Variants in PLEKHM3 observed in about 807,000 individuals in gnomAD.
The protein encoded by PLEKHM3 is pleckstrin homology domain containing M3.
Under a neutral mutation model 81.8 loss-of-function variants are expected in PLEKHM3, and 45 were observed. That is an observed-to-expected ratio of 0.55 (90% CI 0.43 to 0.71). The LOEUF (loss-of-function observed/expected upper bound fraction) is 0.71, where lower values mean the gene tolerates loss of function less well. Among genes scored for constraint, PLEKHM3 ranks in the 30% least tolerant of loss-of-function variants. The pLI, the probability that PLEKHM3 is intolerant of heterozygous loss-of-function variation, is 0.00. For synonymous variants in PLEKHM3, 352 were observed against 356.4 expected (o/e 0.99, Z 0.14); for missense variants, 788 against 924.3 (o/e 0.85, Z 1.91).
At chr2:207,923,269 A>T (rs1689247401) in intron 5 of PLEKHM3, among the ~76,000 whole-genome samples, 1 of 152,114 alleles carries the variant, frequency 6.6e-6, no homozygotes, top group Admixed American at 6.5e-5. Context: ...TGCCATGGGG[A>T]GGTAGGATCC....
intron 5 of PLEKHM3, among the ~76,000 whole-genome samples, chr2:207,909,192 T>C (rs1688729511): frequency 1.3e-5 from 2 of 152,210 alleles, no homozygotes; most frequent in African/African-American, 4.8e-5. Flanking sequence ...CAAGATATTT[T>C]AAATTAGGAC....
At chr2:207,870,225 CAG>C (rs1437539477) in intron 6 of PLEKHM3, among the ~76,000 whole-genome samples, 1 of 152,192 alleles carries the variant, frequency 6.6e-6, no homozygotes, top group Non-Finnish European at 1.5e-5. Flanking sequence ...GCGGAGAAGA[CAG>C]AGAACTAGTA....
chr2:207,863,914 A>ATATAT (rs369436658), intron 6 of PLEKHM3, among the ~76,000 whole-genome samples: 5 of 150,208 alleles, frequency 3.3e-5, no homozygotes, highest in South Asian at 2.1e-4. Context: ...AAGCAAAAAA[A>ATATAT]ATATATATAT....
chr2:207,936,848 T>A (rs1689771744), intron 4 of PLEKHM3, among the ~76,000 whole-genome samples: 1 of 62,796 alleles, frequency 1.6e-5, no homozygotes, highest in Non-Finnish European at 3.5e-5. Flanking sequence ...GATAAATTAG[T>A]GTGTGTGTGT....
chr2:208,006,296 C>T (rs1217132193), intron 1 of PLEKHM3, among the ~76,000 whole-genome samples: 3 of 152,082 alleles, frequency 2.0e-5, no homozygotes, highest in Non-Finnish European at 4.4e-5. Context: ...TGAAATTAAT[C>T]AAAATATAAT....
intron 6 of PLEKHM3, among the ~76,000 whole-genome samples, chr2:207,861,517 C>T (rs7560755): frequency 0.6 from 91,884 of 152,034 alleles, 28,645 homozygotes; most frequent in African/African-American, 0.73. Flanking sequence ...GTGTAGAAGA[C>T]TGAGGCCCAA....
At chr2:207,839,085 G>A (rs1317207520) in intron 7 of PLEKHM3, among the ~76,000 whole-genome samples, 1 of 152,050 alleles carries the variant, frequency 6.6e-6, no homozygotes, top group East Asian at 1.9e-4. Context: ...ACATTTACCT[G>A]CCAAGTTTTT....
chr2:207,923,653 G>A (rs973643298), intron 5 of PLEKHM3, among the ~76,000 whole-genome samples: 26 of 150,858 alleles, frequency 1.7e-4, no homozygotes, highest in African/African-American at 5.8e-4. Context: ...TTGAAATAAG[G>A]TGATGAGAGT....
chr2:207,888,797 C>T (rs1687961404), intron 6 of PLEKHM3, among the ~76,000 whole-genome samples: 2 of 152,180 alleles, frequency 1.3e-5, no homozygotes, highest in African/African-American at 4.8e-5. Context: ...ATACCTGTTC[C>T]CTAGGACCTA....
In PLEKHM3 at chr2:207,944,513, G is replaced by C. The variant is rs1028550623; in HGVS notation, c.1692+1854C>G. Among the ~76,000 whole-genome samples, 110 of 152,196 alleles carry C rather than the reference G, an allele frequency of 7.2e-4. 6 individuals carry two copies. Among genetic ancestry groups the C allele is most frequent in the Non-Finnish European group, 1.8e-4 (12 of 68,046 alleles). On this transcript the variant is annotated intron_variant, in intron 4 of 7. Transcript: ENST00000427836. ...GGCACGTTTATAGGTCAGTTGACAG[G>C]ATTATTGCATAATCACCCCTATTTT...
chr2:207,990,645 A>G (rs1372153480), intron 2 of PLEKHM3, among the ~76,000 whole-genome samples: 1 of 152,214 alleles, frequency 6.6e-6, no homozygotes, highest in East Asian at 1.9e-4. Context: ...AAGAACATGA[A>G]GAGAGTGATA....
At chr2:207,856,013 T>A (rs1204388766) in intron 7 of PLEKHM3, among the ~76,000 whole-genome samples, 1 of 152,328 alleles carries the variant, frequency 6.6e-6, no homozygotes, top group Non-Finnish European at 1.5e-5. Flanking sequence ...TAGGGGAAAC[T>A]GAGTGTGTGG....
rs548566889 is a variant in PLEKHM3 at position 207,861,771 on chromosome 2, T to TA, written c.1951-510dup. Among the ~76,000 whole-genome samples, 333 of 152,114 alleles carry TA rather than the reference T, an allele frequency of 2.2e-3. 2 individuals are homozygous for TA. The highest frequency in any genetic ancestry group is 6.8e-3 in the Middle Eastern group (2 of 294). On this transcript the variant is annotated intron_variant, in intron 6 of 7. Coordinates refer to ENST00000427836, the MANE Select transcript of PLEKHM3 (RefSeq NM_001080475.3). ...TTTCTTTTGCTGCTGGTAAGTATAGTAAAAAAAAGCTTGCAATTTGGCAGC... is the reference window on the plus strand; with the variant it reads ...TTTCTTTTGCTGCTGGTAAGTATAGTAAAAAAAAAGCTTGCAATTTGGCAGC...
At chr2:207,899,127 C>T (rs59345774) in intron 6 of PLEKHM3, among the ~76,000 whole-genome samples, 3,713 of 152,170 alleles carry the variant, frequency 0.024, 142 homozygotes, top group African/African-American at 0.084. Context: ...CAATGATGTC[C>T]GCTAAGACAC....
intron 6 of PLEKHM3, among the ~76,000 whole-genome samples, chr2:207,906,341 CTATGT>C (rs1234888468): frequency 5.3e-5 from 8 of 152,246 alleles, no homozygotes; most frequent in African/African-American, 1.9e-4. Context: ...TGCTGCTTGA[CTATGT>C]AGTAAAGGTC....
chr2:208,017,501 A>G (rs1692960890), intron 1 of PLEKHM3, among the ~76,000 whole-genome samples: 1 of 152,208 alleles, frequency 6.6e-6, no homozygotes, highest in Non-Finnish European at 1.5e-5. Context: ...CTTGGAAAGG[A>G]GGGATTCAGT....
chr2:207,973,966 T>C (rs17459560), intron 3 of PLEKHM3, among the ~76,000 whole-genome samples: 1,857 of 152,268 alleles, frequency 0.012, 19 homozygotes, highest in Non-Finnish European at 0.02. Context: ...TGTCTCTCTC[T>C]GCCCCGTTCG....
intron 7 of PLEKHM3, among the ~76,000 whole-genome samples, chr2:207,860,149 CTCTGTGTGTG>C (rs1290424441): frequency 2.5e-4 from 16 of 63,836 alleles, no homozygotes; most frequent in African/African-American, 9.6e-4. Flanking sequence ...TGAACTCTGC[CTCTGTGTGTG>C]TGTGTGTGTG....
At chr2:207,945,717 C>T (rs1265649921) in intron 4 of PLEKHM3, among the ~76,000 whole-genome samples, 1 of 152,098 alleles carries the variant, frequency 6.6e-6, no homozygotes, top group African/African-American at 2.4e-5. Flanking sequence ...GCCTGGGGAA[C>T]ATGGTGAAAC....
Sources: allele counts gnomAD v4.1 joint callset (sites outside exome capture counted in the v4.1 genomes callset), GRCh38; gene constraint gnomAD v4.1.1; transcripts MANE v1.5; gene names NCBI Gene and HGNC (gene_info 2026-07-23, HGNC 2026-07-21).